Variants in ATXN7L1 observed in about 807,000 individuals in gnomAD.
ATXN7L1 encodes the protein ataxin-7-like protein 1.
ATXN7L1 carries 15 observed loss-of-function variants against 70.8 expected under a neutral mutation model. The ratio of observed to expected loss-of-function variants is 0.21; its 90% CI spans 0.14 to 0.33. ATXN7L1 has a LOEUF of 0.33. Ranked by LOEUF, ATXN7L1 falls within the 10% of genes least tolerant of loss-of-function variation. The pLI, the probability that ATXN7L1 is intolerant of heterozygous loss-of-function variation, is 1.00. For synonymous variants in ATXN7L1, 440 were observed against 445.1 expected, an observed-to-expected ratio of 0.99 and a Z score of 0.14; for missense variants, 975 against 1,097.1, an observed-to-expected ratio of 0.89 and a Z score of 1.57.
chr7:105,667,743 T>G (rs1308912532), intron 3 of ATXN7L1, among the ~76,000 whole-genome samples: 1 of 151,606 alleles, frequency 6.6e-6, no homozygotes, highest in Non-Finnish European at 1.5e-5. Flanking sequence ...ATGATCTTTC[T>G]GATAGATGAG....
At chr7:105,657,409 T>C (rs1800830221) in intron 4 of ATXN7L1, among the ~76,000 whole-genome samples, 1 of 152,080 alleles carries the variant, frequency 6.6e-6, no homozygotes, top group Non-Finnish European at 1.5e-5. Context: ...CTACTAAGCA[T>C]TTAAAATGTG....
intron 3 of ATXN7L1, among the ~76,000 whole-genome samples, chr7:105,689,351 G>A (rs986092413): frequency 2.4e-4 from 37 of 152,334 alleles, no homozygotes; most frequent in African/African-American, 8.9e-4. Context: ...GGGGCAACGT[G>A]CTCTAGGAGA....
chr7:105,733,698 CCATT>C, intron 3 of ATXN7L1, among the ~76,000 whole-genome samples: 3 of 149,668 alleles, frequency 2.0e-5, no homozygotes, highest in East Asian at 4.0e-4. Flanking sequence ...ACCCATCCAT[CCATT>C]CATCCATCCA....
At chr7:105,763,793 T>C (rs750281323) in intron 3 of ATXN7L1, among the ~76,000 whole-genome samples, 1 of 152,110 alleles carries the variant, frequency 6.6e-6, no homozygotes, top group Non-Finnish European at 1.5e-5. Flanking sequence ...GGTGGCAATC[T>C]GATAGTCACT....
At chr7:105,637,279 C>G (rs679974) in intron 7 of ATXN7L1, among the ~76,000 whole-genome samples, 133,126 of 152,158 alleles carry the variant, frequency 0.87, 58,910 homozygotes, top group East Asian at 0.98. Flanking sequence ...GATCAGGAGC[C>G]ACTGCTATCA....
chr7:105,820,044 G>C, intron 2 of ATXN7L1: 1 of 409,932 alleles, frequency 2.4e-6, no homozygotes, highest in Non-Finnish European at 4.7e-6. Context: ...AAAAGAACGT[G>C]GAGAAGAAAA....
chr7:105,649,668 A>G (rs1180743501), intron 4 of ATXN7L1: 2 of 743,318 alleles, frequency 2.7e-6, no homozygotes, highest in African/African-American at 3.8e-5. Context: ...GGTGATCATG[A>G]TCTATATTCT....
intron 2 of ATXN7L1, among the ~76,000 whole-genome samples, chr7:105,859,531 T>C (rs1816245650): frequency 6.6e-6 from 1 of 152,154 alleles, no homozygotes; most frequent in Non-Finnish European, 1.5e-5. Flanking sequence ...TATGTTTCAA[T>C]CTGTTTAGAG....
chr7:105,639,043 A>G (rs75285193), intron 6 of ATXN7L1, among the ~76,000 whole-genome samples: 4,908 of 152,098 alleles, frequency 0.032, 129 homozygotes, highest in East Asian at 0.11. Flanking sequence ...GGGCGACCCA[A>G]TGGCGGCCGC....
At chr7:105,836,499 T>A (rs1198871456) in intron 2 of ATXN7L1, among the ~76,000 whole-genome samples, 1 of 152,150 alleles carries the variant, frequency 6.6e-6, no homozygotes, top group African/African-American at 2.4e-5. Context: ...CTGAGGGTGA[T>A]GTTTCCAGAG....
intron 3 of ATXN7L1, among the ~76,000 whole-genome samples, chr7:105,708,459 T>C (rs1413640538): frequency 6.6e-6 from 1 of 152,136 alleles, no homozygotes; most frequent in Non-Finnish European, 1.5e-5. Flanking sequence ...AAGACAAATA[T>C]AAGTCAGATG....
chr7:105,732,981 T>C (rs767433751), intron 3 of ATXN7L1, among the ~76,000 whole-genome samples: 2 of 152,218 alleles, frequency 1.3e-5, no homozygotes, highest in Non-Finnish European at 2.9e-5. Context: ...AGAGAAACCT[T>C]TGTGGTGAAA....
At chr7:105,680,526 G>A (rs150578266) in intron 3 of ATXN7L1, among the ~76,000 whole-genome samples, 1 of 152,298 alleles carries the variant, frequency 6.6e-6, no homozygotes, top group Non-Finnish European at 1.5e-5. Context: ...CCATTTGTTT[G>A]GAATGTAGTA....
Position 105,811,358 on chromosome 7 carries a change from C to G in ATXN7L1, c.251-22650G>C, listed in dbSNP as rs141808052. On this transcript the variant is annotated intron_variant, in intron 2 of 11. Coordinates refer to ENST00000419735, the MANE Select transcript of ATXN7L1 (RefSeq NM_020725.2). ...CATGCAACAGATTCTGCCCTGGAAG[C>G]TTCAGAGAGAGCGCAGCCCTGCCAG... is the stretch of plus-strand genomic sequence containing the variant. Among the ~76,000 whole-genome samples, 191 of 152,284 alleles carry G rather than the reference C, an allele frequency of 1.3e-3. 2 individuals are homozygous for G. Among genetic ancestry groups the G allele is most frequent in the African/African-American group, 4.4e-3 (182 of 41,548 alleles).
intron 7 of ATXN7L1, among the ~76,000 whole-genome samples, chr7:105,624,555 C>T (rs1336078721): frequency 2.0e-5 from 3 of 146,406 alleles, no homozygotes; most frequent in Admixed American, 7.2e-5. Context: ...GAGGCTGAGG[C>T]AGGGGAATTG....
chr7:105,869,817 T>A (rs996203501), intron 2 of ATXN7L1, among the ~76,000 whole-genome samples: 1 of 152,070 alleles, frequency 6.6e-6, no homozygotes, highest in African/African-American at 2.4e-5. Flanking sequence ...TTTTTCTCAG[T>A]GATAAAATAA....
intron 3 of ATXN7L1, among the ~76,000 whole-genome samples, chr7:105,737,525 C>G (rs506843): frequency 0.51 from 73,984 of 144,872 alleles, 19,564 homozygotes; most frequent in East Asian, 0.81. Flanking sequence ...CTACTAACGT[C>G]CCCGTGTGTG....
chr7:105,607,742 C>T lies in ATXN7L1; in HGVS notation c.*110G>A, dbSNP rs1434654484. On this transcript the variant is annotated 3_prime_UTR_variant, in exon 12 of 12. Coordinates refer to ENST00000419735, the MANE Select transcript of ATXN7L1 (RefSeq NM_020725.2). ...AAAGGCCAGAGTCACAGGGAGTGCA[C>T]AGAAAACAGACTCTCCCCCCAGCCC... 1.0e-6 allele frequency: 1 copy of T among 980,718 alleles called. No individual in the cohort carries two copies. Among genetic ancestry groups the T allele is most frequent in the African/African-American group, 1.6e-5 (1 of 60,864 alleles). The allele number at this position is 980,718 out of a possible 1,614,324, so 60.8% of individuals were successfully genotyped here. A position where few individuals can be genotyped will look rare whatever the true frequency, so the allele number is the denominator to read the frequency against.
chr7:105,853,237 A>G (rs1277098689), intron 2 of ATXN7L1, among the ~76,000 whole-genome samples: 1 of 152,212 alleles, frequency 6.6e-6, no homozygotes, highest in Admixed American at 6.5e-5. Flanking sequence ...TAAGTTACAT[A>G]TATTTTTAAA....
Sources: allele counts gnomAD v4.1 joint callset (sites outside exome capture counted in the v4.1 genomes callset), GRCh38; gene constraint gnomAD v4.1.1; transcripts MANE v1.5; gene names NCBI Gene and HGNC (gene_info 2026-07-23, HGNC 2026-07-21).